RASA2: variants seen among roughly 807,000 people sequenced by gnomAD.
The protein encoded by RASA2 is RAS p21 protein activator 2, also known as ras GTPase-activating protein 2.
In RASA2, 155 loss-of-function variants were observed where a neutral mutation model predicts 118.2. The observed-to-expected ratio is 1.31, with a 90% CI of 1.15 to 1.50. The LOEUF (loss-of-function observed/expected upper bound fraction) is 1.50. RASA2 is among the 40% of genes most tolerant of loss of function. The probability of loss-of-function intolerance (pLI) is 0.00; values close to 1 mark genes in which losing one functional copy is unlikely to be tolerated. For synonymous variants in RASA2, 353 were observed against 349.1 expected, an observed-to-expected ratio of 1.01 and a Z score of -0.12; for missense variants, 1,016 against 1,009.6, an observed-to-expected ratio of 1.01 and a Z score of -0.09.
At chr3:141,586,805 T>C in intron 19 of RASA2, 53 bp downstream of exon 19, 1 of 1,423,286 alleles carries the variant, frequency 7.0e-7, no homozygotes, top group East Asian at 2.3e-5. Context: ...CAGTGAAGGT[T>C]TCTTTGCCGC....
intron 19 of RASA2, among the ~76,000 whole-genome samples, chr3:141,601,387 A>G (rs2083461375): frequency 6.6e-6 from 1 of 152,032 alleles, no homozygotes; most frequent in Non-Finnish European, 1.5e-5. Flanking sequence ...GTGAGCCGAG[A>G]TGGCATCACT....
Position 141,498,361 on chromosome 3 carries a change from A to C in RASA2, c.133+11145A>C, listed in dbSNP as rs117638522. Among the ~76,000 whole-genome samples the C allele has an allele frequency of 8.5e-3, 1,301 of 152,326 alleles. 22 individuals are homozygous for C. The highest frequency in any genetic ancestry group is 0.025 in the African/African-American group (1,049 of 41,564). ...TATATTGGAAGGAATTGATGAATAC[A>C]TTTATGTTGTCAAGAAGTTGATAAT... On this transcript the variant is annotated intron_variant, in intron 1 of 23. Coordinates refer to ENST00000286364, the MANE Select transcript of RASA2 (RefSeq NM_006506.5).
At chr3:141,605,894 C>A (rs2083541000) in intron 19 of RASA2, among the ~76,000 whole-genome samples, 1 of 152,040 alleles carries the variant, frequency 6.6e-6, no homozygotes, top group African/African-American at 2.4e-5. Flanking sequence ...TGTTGCTTGT[C>A]TTCTGGTGTG....
chr3:141,598,837 C>T, intron 19 of RASA2, among the ~76,000 whole-genome samples: 1 of 152,094 alleles, frequency 6.6e-6, no homozygotes, highest in Non-Finnish European at 1.5e-5. Flanking sequence ...ATAATCCCAG[C>T]ACTTTGGGAG....
At chr3:141,531,801 C>A (rs749054676) in intron 4 of RASA2, among the ~76,000 whole-genome samples, 146 of 152,028 alleles carry the variant, frequency 9.6e-4, no homozygotes, top group East Asian at 5.8e-4. Context: ...ACATATAACA[C>A]TTTTGGGTTA....
At chr3:141,551,886 C>G (rs2082580568) in intron 5 of RASA2, among the ~76,000 whole-genome samples, 1 of 151,878 alleles carries the variant, frequency 6.6e-6, no homozygotes, top group Non-Finnish European at 1.5e-5. Flanking sequence ...ATATCAAATT[C>G]CTTATTGAGG....
At chr3:141,587,003 C>G in intron 19 of RASA2, 2 of 476,024 alleles carry the variant, frequency 4.2e-6, no homozygotes, top group South Asian at 4.2e-5. Flanking sequence ...TCTAAAAATC[C>G]ATAGTAATCC....
chr3:141,579,325 A>T (rs1420631430), intron 15 of RASA2: 2 of 152,184 alleles, frequency 1.3e-5, no homozygotes, highest in African/African-American at 4.8e-5. Flanking sequence ...ATACCTATTC[A>T]TTTTGTCATA....
chr3:141,555,872 AAAC>A lies in RASA2; in HGVS notation c.647_649del (p.Thr216del). Reference sequence around the variant, plus strand: ...CAAAAGAAGACAAAAGTAAAGAAGAAAACAAGCAATCCGCAGTTTAATGAAATC... The same window carrying A: ...CAAAAGAAGACAAAAGTAAAGAAGAAAAGCAATCCGCAGTTTAATGAAATC... On this transcript the variant is annotated inframe_deletion, in exon 7 of 24. Coordinates refer to ENST00000286364, the MANE Select transcript of RASA2 (RefSeq NM_006506.5). 1 of 1,612,768 alleles carries A rather than the reference AAAC, an allele frequency of 6.2e-7. No homozygotes were observed. Among genetic ancestry groups the A allele is most frequent in the Non-Finnish European group, 8.5e-7 (1 of 1,179,410 alleles).
chr3:141,495,803 C>A (rs116449273), intron 1 of RASA2, among the ~76,000 whole-genome samples: 1 of 152,032 alleles, frequency 6.6e-6, no homozygotes, highest in South Asian at 2.1e-4. Flanking sequence ...TAATTGGAGA[C>A]GACTTAAATG....
At chr3:141,552,610 G>A (rs1402746053) in intron 5 of RASA2, among the ~76,000 whole-genome samples, 1 of 152,200 alleles carries the variant, frequency 6.6e-6, no homozygotes, top group Non-Finnish European at 1.5e-5. Flanking sequence ...TAAGCAGTAT[G>A]TACAGTGGGA....
intron 1 of RASA2, among the ~76,000 whole-genome samples, chr3:141,500,870 A>AT (rs1181081899): frequency 4.0e-5 from 6 of 151,624 alleles, no homozygotes; most frequent in South Asian, 2.1e-4. Flanking sequence ...TTTATTTTTT[A>AT]TTTTTTTTGT....
intron 19 of RASA2, among the ~76,000 whole-genome samples, chr3:141,605,263 C>CT (rs1049278360): frequency 6.6e-6 from 1 of 152,184 alleles, no homozygotes; most frequent in African/African-American, 2.4e-5. Context: ...CCTGAATACT[C>CT]TTATTTGTCA....
intron 1 of RASA2, among the ~76,000 whole-genome samples, chr3:141,508,336 G>A (rs2081900006): frequency 6.6e-6 from 1 of 152,044 alleles, no homozygotes; most frequent in South Asian, 2.1e-4. Flanking sequence ...GGACTGAAAA[G>A]CAGTGTTACG....
chr3:141,594,061 T>C (rs1421663875), intron 19 of RASA2, among the ~76,000 whole-genome samples: 1 of 152,100 alleles, frequency 6.6e-6, no homozygotes, highest in African/African-American at 2.4e-5. Flanking sequence ...AGTGGAAAAG[T>C]AGTCATCATG....
intron 3 of RASA2, among the ~76,000 whole-genome samples, chr3:141,528,469 A>G (rs1397297819): frequency 6.6e-6 from 1 of 151,998 alleles, no homozygotes; most frequent in Non-Finnish European, 1.5e-5. Context: ...ATGTGAGTAG[A>G]AAATATGGAA....
Position 141,516,039 on chromosome 3 carries a change from T to C in RASA2, c.252-289T>C, listed in dbSNP as rs963064203. On this transcript the variant is annotated intron_variant, in intron 2 of 23. Transcript: ENST00000286364. ...ACACAGGAAGGGGAGCATCACACAC[T>C]GGGGCCTGTTGTGGGGTGGGGGGAG... 5.4e-5 allele frequency among the ~76,000 whole-genome samples: 6 copies of C among 111,880 alleles called. No individual in the cohort carries two copies. In the East Asian group the frequency reaches 1.3e-3, roughly 25 times the overall value. 73.4% of individuals were successfully genotyped at this position (111,880 alleles called of 152,430 possible). A position where few individuals can be genotyped will look rare whatever the true frequency, so the allele number is the denominator to read the frequency against.
chr3:141,602,705 A>C (rs1484356470), intron 19 of RASA2, among the ~76,000 whole-genome samples: 2 of 152,162 alleles, frequency 1.3e-5, no homozygotes. Context: ...GCCTCACCTG[A>C]ACTTGATTAG....
At chr3:141,609,179 A>G (rs1441775266) in intron 21 of RASA2, among the ~76,000 whole-genome samples, 1 of 152,206 alleles carries the variant, frequency 6.6e-6, no homozygotes, top group African/African-American at 2.4e-5. Flanking sequence ...TTGTTTTGTG[A>G]TGAAGCATAG....
Sources: allele counts gnomAD v4.1 joint callset (sites outside exome capture counted in the v4.1 genomes callset), GRCh38; gene constraint gnomAD v4.1.1; transcripts MANE v1.5; gene names NCBI Gene and HGNC (gene_info 2026-07-23, HGNC 2026-07-21).